Variants in CAMKV observed in about 807,000 individuals in gnomAD.
CAMKV encodes caM kinase-like vesicle-associated protein.
A neutral mutation model predicts 50.2 loss-of-function variants in CAMKV; 5 were observed. The ratio of observed to expected loss-of-function variants is 0.10; its 90% CI spans 0.05 to 0.21. The LOEUF is 0.21. Ranked by LOEUF, CAMKV falls within the 10% of genes least tolerant of loss-of-function variation. The pLI, the probability that CAMKV is intolerant of heterozygous loss-of-function variation, is 1.00. For missense variants in CAMKV, 361 were observed against 650.5 expected, an observed-to-expected ratio of 0.55 and a Z score of 4.84; for synonymous variants, 229 against 250.1, an observed-to-expected ratio of 0.92 and a Z score of 0.80.
chr3:49,867,966 G>A (rs888360777), intron 1 of CAMKV, among the ~76,000 whole-genome samples: 1 of 152,134 alleles, frequency 6.6e-6, no homozygotes, highest in Non-Finnish European at 1.5e-5. Context: ...ATGGTACTGG[G>A]ACCTTCGAGA....
rs1184316255 is a variant in CAMKV, at chr3:49,859,235, T to C, written c.*83A>G. The C allele has an allele frequency of 1.6e-6, 2 of 1,257,884 alleles. No individual in the cohort carries two copies. Among genetic ancestry groups the C allele is most frequent in the Non-Finnish European group, 1.1e-6 (1 of 916,186 alleles). 77.9% of individuals were successfully genotyped at this position (1,257,884 alleles called of 1,614,324 possible). A position where few individuals can be genotyped will look rare whatever the true frequency, so the allele number is the denominator to read the frequency against. ...TGGGGGAGCGAGGGCATCATGCCAGTGACTCTATGTACAGTGAGAAGCCCC... is the reference window on the plus strand; with the variant it reads ...TGGGGGAGCGAGGGCATCATGCCAGCGACTCTATGTACAGTGAGAAGCCCC... On this transcript the variant is annotated 3_prime_UTR_variant, in exon 11 of 11. Transcript: ENST00000477224. This position sits in a 1 kb window ranked among gnomAD's most constrained non-coding sequence, Gnocchi z 5.5.
Position 49,858,147 on chromosome 3 carries a change from G to C in CAMKV, c.*1171C>G, listed in dbSNP as rs1161007928. 2.5e-6 allele frequency: 1 copy of C among 397,248 alleles called. No individual in the cohort carries two copies. The highest frequency in any genetic ancestry group is 2.1e-5 in the African/African-American group (1 of 48,624). The allele number at this position is 397,248 out of a possible 1,614,324, so 24.6% of individuals were successfully genotyped here. A position where few individuals can be genotyped will look rare whatever the true frequency, so the allele number is the denominator to read the frequency against. On this transcript the variant is annotated 3_prime_UTR_variant, in exon 11 of 11. Transcript: ENST00000477224. ...AGGACCAATGTGGCTGCCTATCCAG[G>C]CTGTGGTAGGGTCTGACAAAGGGCA...
rs1464349906 is a variant in CAMKV, at chr3:49,859,260, C to T, written c.*58G>A. The T allele has an allele frequency of 7.0e-7, 1 of 1,420,274 alleles. No homozygotes were observed. The highest frequency in any genetic ancestry group is 9.4e-7 in the Non-Finnish European group (1 of 1,059,268). The allele number at this position is 1,420,274 out of a possible 1,614,324, so 88.0% of individuals were successfully genotyped here. A position where few individuals can be genotyped will look rare whatever the true frequency, so the allele number is the denominator to read the frequency against. Reference sequence around the variant, plus strand: ...TGACTCTATGTACAGTGAGAAGCCCCTCATCCACTCTCCCACCCTCCTGCC... The same window carrying T: ...TGACTCTATGTACAGTGAGAAGCCCTTCATCCACTCTCCCACCCTCCTGCC... On this transcript the variant is annotated 3_prime_UTR_variant, in exon 11 of 11. Transcript: ENST00000477224. This position sits in a 1 kb window ranked among gnomAD's most constrained non-coding sequence, Gnocchi z 5.5.
chr3:49,862,840 C>G lies in CAMKV; in HGVS notation c.-14-438G>C, dbSNP rs2082033517. On this transcript the variant is annotated intron_variant, in intron 1 of 10. Coordinates refer to ENST00000477224, the MANE Select transcript of CAMKV (RefSeq NM_024046.5). The surrounding 1 kb of genome is among the most constrained non-coding windows in gnomAD (Gnocchi z 5.2). The stretch of plus-strand genomic sequence containing the variant: ...CACTGCTAGGAGAGGGCAAACTCCC[C>G]TTTGTAAAGCAGTTTGGTAAAACCA... Among the ~76,000 whole-genome samples the G allele has an allele frequency of 1.3e-5, 2 of 152,206 alleles. No homozygotes were observed. The highest frequency in any genetic ancestry group is 2.9e-5 in the Non-Finnish European group (2 of 68,046).
Position 49,860,974 on chromosome 3 carries a change from A to G in CAMKV, c.607T>C (p.Cys203Arg). The change falls in exon 7 of 11, where the codon TGC becomes CGC. Residue 203 changes from cysteine (C) to arginine (R), a missense_variant. Coordinates refer to ENST00000477224, the MANE Select transcript of CAMKV (RefSeq NM_024046.5). The surrounding 1 kb of genome is among the most constrained non-coding windows in gnomAD (Gnocchi z 6.1). Reference sequence around the variant, plus strand: ...TACATGATGACTCCAATGGCCCAGCAGTCCACAGGGCGTCCATACCGCTGC... The same window carrying G: ...TACATGATGACTCCAATGGCCCAGCGGTCCACAGGGCGTCCATACCGCTGC... ...GRQRYGRPVD[C>R]WAIGVIMYIL... is the part of the protein sequence containing the mutation. 1 of 1,614,126 alleles carries G rather than the reference A, an allele frequency of 6.2e-7. No homozygotes were observed. Among genetic ancestry groups the G allele is most frequent in the Non-Finnish European group, 8.5e-7 (1 of 1,180,014 alleles).
Position 49,858,239 on chromosome 3 carries a change from C to T in CAMKV, c.*1079G>A, listed in dbSNP as rs1246233996. On this transcript the variant is annotated 3_prime_UTR_variant, in exon 11 of 11. Coordinates refer to ENST00000477224, the MANE Select transcript of CAMKV (RefSeq NM_024046.5). Reference sequence around the variant, plus strand: ...TACTTCCTCATCCCAGAAAAAGCAACTCAATGTGGCTCTGAGGCACCTGGG... The same window carrying T: ...TACTTCCTCATCCCAGAAAAAGCAATTCAATGTGGCTCTGAGGCACCTGGG... 1 of 398,536 alleles carries T rather than the reference C, an allele frequency of 2.5e-6. No homozygotes were observed. The highest frequency in any genetic ancestry group is 2.1e-5 in the African/African-American group (1 of 48,630). The allele number at this position is 398,536 out of a possible 1,614,324, so 24.7% of individuals were successfully genotyped here. A position where few individuals can be genotyped will look rare whatever the true frequency, so the allele number is the denominator to read the frequency against.
rs567772968 is a variant in CAMKV at position 49,868,799 on chromosome 3, G to A, written c.-15+959C>T. On this transcript the variant is annotated intron_variant, in intron 1 of 10. Coordinates refer to ENST00000477224, the MANE Select transcript of CAMKV (RefSeq NM_024046.5). Reference sequence around the variant, plus strand: ...AAGCCTGGACTTGGGGGTAAGGGGAGTACAGCACAGGGACTGGACTACTGC... The same window carrying A: ...AAGCCTGGACTTGGGGGTAAGGGGAATACAGCACAGGGACTGGACTACTGC... Among the ~76,000 whole-genome samples the A allele has an allele frequency of 2.0e-5, 3 of 152,334 alleles. No homozygotes were observed. The East Asian group carries it at 5.8e-4, about 29-fold the overall frequency.
In CAMKV at chr3:49,858,376, A is replaced by G. The variant is rs1401127837; in HGVS notation, c.*942T>C. 5 of 398,534 alleles carry G rather than the reference A, an allele frequency of 1.3e-5. No individual in the cohort carries two copies. The highest frequency in any genetic ancestry group is 8.2e-5 in the African/African-American group (4 of 48,634). 24.7% of individuals were successfully genotyped at this position (398,534 alleles called of 1,614,324 possible). On this transcript the variant is annotated 3_prime_UTR_variant, in exon 11 of 11. Coordinates refer to ENST00000477224, the MANE Select transcript of CAMKV (RefSeq NM_024046.5). ...AAACCTCCAAATCAGATTATGAGTT[A>G]TTGCCATGCAGCAAGCCCCCTAGGG...
At position 49,862,482 on chromosome 3, in the gene CAMKV, A is replaced by T; in HGVS notation, c.-14-80T>A. On this transcript the variant is annotated intron_variant, in intron 1 of 10. Coordinates refer to ENST00000477224, the MANE Select transcript of CAMKV (RefSeq NM_024046.5). This position sits in a 1 kb window ranked among gnomAD's most constrained non-coding sequence, Gnocchi z 5.2. ...ATAGGGGCTGCTTTTGGGAGACCCC[A>T]ACCTGGCTCAGGCCAAGCTAGGGGC... 1 of 1,300,446 alleles carries T rather than the reference A, an allele frequency of 7.7e-7. No homozygotes were observed. Among genetic ancestry groups the T allele is most frequent in the Non-Finnish European group, 1.1e-6 (1 of 898,850 alleles). 80.6% of individuals were successfully genotyped at this position (1,300,446 alleles called of 1,614,324 possible).
chr3:49,867,509 G>A (rs1009720627), intron 1 of CAMKV, among the ~76,000 whole-genome samples: 1 of 152,226 alleles, frequency 6.6e-6, no homozygotes, highest in African/African-American at 2.4e-5. Context: ...AACCCCTGAA[G>A]GAGAATCCAC....
Position 49,861,876 on chromosome 3 carries a change from G to A in CAMKV, c.228-11C>T, listed in dbSNP as rs370673595. The A allele has an allele frequency of 3.1e-5, 50 of 1,613,438 alleles. No homozygotes were observed. The highest frequency in any genetic ancestry group is 4.2e-5 in the Non-Finnish European group (49 of 1,179,732). Reference sequence around the variant, plus strand: ...TTGGGATGCTTCACCCTGGCGACAGGGAGGGGAGCCAGTAGTTAGGGCTGG... The same window carrying A: ...TTGGGATGCTTCACCCTGGCGACAGAGAGGGGAGCCAGTAGTTAGGGCTGG... On this transcript the variant is annotated splice_polypyrimidine_tract_variant and intron_variant, in intron 3 of 10. Coordinates refer to ENST00000477224, the MANE Select transcript of CAMKV (RefSeq NM_024046.5). This position sits in a 1 kb window ranked among gnomAD's most constrained non-coding sequence, Gnocchi z 7.7.
chr3:49,862,039 A>G lies in CAMKV; in HGVS notation c.227+6T>C. 6.2e-7 allele frequency: 1 copy of G among 1,613,882 alleles called. No individual in the cohort carries two copies. Among genetic ancestry groups the G allele is most frequent in the Non-Finnish European group, 8.5e-7 (1 of 1,179,914 alleles). On this transcript the variant is annotated splice_donor_region_variant and intron_variant, in intron 3 of 10. Transcript: ENST00000477224. The surrounding 1 kb of genome is among the most constrained non-coding windows in gnomAD (Gnocchi z 5.2). ...ACCCCGCCCCAATCCCAGGCCTCAA[A>G]CTCACATCTTGAGGATGCCTATCTC...
rs576721527 is a variant in CAMKV at position 49,862,941 on chromosome 3, G to A, written c.-14-539C>T. Reference sequence around the variant, plus strand: ...CGTGCCTACAGAAGTGCACATATTCGTGCATCAGGACAGTCATACAATGCT... The same window carrying A: ...CGTGCCTACAGAAGTGCACATATTCATGCATCAGGACAGTCATACAATGCT... On this transcript the variant is annotated intron_variant, in intron 1 of 10. Transcript: ENST00000477224. This position sits in a 1 kb window ranked among gnomAD's most constrained non-coding sequence, Gnocchi z 5.2. Among the ~76,000 whole-genome samples the A allele has an allele frequency of 6.6e-5, 10 of 152,302 alleles. No homozygotes were observed. In the East Asian group the frequency reaches 1.3e-3, roughly 21 times the overall value.
Position 49,861,112 on chromosome 3 carries a change from CT to C in CAMKV, c.562+67del. ...TTCCTGAGATGAGCACATTTTCCCC[CT>C]GCCCAGAGCAGCTCCCTGAAGGCTG... On this transcript the variant is annotated intron_variant, in intron 6 of 10. Transcript: ENST00000477224. This position sits in a 1 kb window ranked among gnomAD's most constrained non-coding sequence, Gnocchi z 7.7. 6.3e-7 allele frequency: 1 copy of C among 1,593,188 alleles called. No individual in the cohort carries two copies. The highest frequency in any genetic ancestry group is 8.6e-7 in the Non-Finnish European group (1 of 1,169,128).
At position 49,869,159 on chromosome 3, in the gene CAMKV, C is replaced by T. The variant is rs1250149669; in HGVS notation, c.-15+599G>A. On this transcript the variant is annotated intron_variant, in intron 1 of 10. Coordinates refer to ENST00000477224, the MANE Select transcript of CAMKV (RefSeq NM_024046.5). This position sits in a 1 kb window ranked among gnomAD's most constrained non-coding sequence, Gnocchi z 5.2. ...TGTGAGCACCAAGCCCCGCACCTCC[C>T]AGCAGGAACATGTGCGCCCCCACCC... Among the ~76,000 whole-genome samples, 2 of 152,150 alleles carry T rather than the reference C, an allele frequency of 1.3e-5. No homozygotes were observed. The highest frequency in any genetic ancestry group is 2.9e-5 in the Non-Finnish European group (2 of 68,022).
chr3:49,862,218 A>G lies in CAMKV; in HGVS notation c.96-42T>C, dbSNP rs759048501. 1 of 1,614,100 alleles carries G rather than the reference A, an allele frequency of 6.2e-7. No individual in the cohort carries two copies. Among genetic ancestry groups the G allele is most frequent in the South Asian group, 1.1e-5 (1 of 91,088 alleles). ...CCCACTCAGGCCTGGCCTTAGCATC[A>G]GCTGCACTCCACTGCCACTTCCCTA... On this transcript the variant is annotated intron_variant, in intron 2 of 10. Transcript: ENST00000477224. This position sits in a 1 kb window ranked among gnomAD's most constrained non-coding sequence, Gnocchi z 5.2.
In CAMKV at chr3:49,858,170, G is replaced by A. The variant is rs2081992309; in HGVS notation, c.*1148C>T. ...AGGCTGTGGTAGGGTCTGACAAAGG[G>A]CACCTGTCAGGAGCCTCCCTCAGGA... On this transcript the variant is annotated 3_prime_UTR_variant, in exon 11 of 11. Transcript: ENST00000477224. 1 of 397,430 alleles carries A rather than the reference G, an allele frequency of 2.5e-6. No homozygotes were observed. Among genetic ancestry groups the A allele is most frequent in the African/African-American group, 2.1e-5 (1 of 48,606 alleles). The allele number at this position is 397,430 out of a possible 1,614,324, so 24.6% of individuals were successfully genotyped here. A position where few individuals can be genotyped will look rare whatever the true frequency, so the allele number is the denominator to read the frequency against.
Position 49,862,489 on chromosome 3 carries a change from C to G in CAMKV, c.-14-87G>C, listed in dbSNP as rs1251576039. ...CTGCTTTTGGGAGACCCCAACCTGG[C>G]TCAGGCCAAGCTAGGGGCAGAGACC... On this transcript the variant is annotated intron_variant, in intron 1 of 10. Transcript: ENST00000477224. The surrounding 1 kb of genome is among the most constrained non-coding windows in gnomAD (Gnocchi z 5.2). The G allele has an allele frequency of 2.5e-6, 3 of 1,183,536 alleles. No individual in the cohort carries two copies. The highest frequency in any genetic ancestry group is 4.6e-5 in the East Asian group (2 of 43,022). 73.3% of individuals were successfully genotyped at this position (1,183,536 alleles called of 1,614,324 possible). A position where few individuals can be genotyped will look rare whatever the true frequency, so the allele number is the denominator to read the frequency against.
Position 49,861,705 on chromosome 3 carries a change from G to T in CAMKV, c.302+86C>A. The T allele has an allele frequency of 6.3e-7, 1 of 1,595,602 alleles. No homozygotes were observed. On this transcript the variant is annotated intron_variant, in intron 4 of 10. Coordinates refer to ENST00000477224, the MANE Select transcript of CAMKV (RefSeq NM_024046.5). This position sits in a 1 kb window ranked among gnomAD's most constrained non-coding sequence, Gnocchi z 7.7. ...AGGGACCTGGGACGCCAAGGGTCCA[G>T]AAAGGGGGTTTCCTTAGCTGCAGAG... is the stretch of plus-strand genomic sequence containing the variant.
Sources: gnomAD v4.1 joint callset for allele counts (sites outside exome capture counted in the v4.1 genomes callset) on GRCh38, gnomAD v4.1.1 for gene constraint, Gnocchi (gnomAD v3.1) non-coding constraint, MANE v1.5 for transcripts, NCBI Gene and HGNC (gene_info 2026-07-23, HGNC 2026-07-21) for gene names.